The following CRHBP variants were observed in gnomAD, a reference collection of about 807,000 sequenced individuals.
The protein encoded by CRHBP is corticotropin-releasing hormone-binding protein.
A neutral mutation model predicts 34.9 loss-of-function variants in CRHBP; 19 were observed. That is an observed-to-expected ratio of 0.55 (90% CI 0.38 to 0.80). CRHBP has a LOEUF of 0.80. Ranked by LOEUF, CRHBP falls within the 30% of genes least tolerant of loss-of-function variation. The pLI is 0.00. For synonymous variants in CRHBP, 154 were observed against 153.4 expected, an observed-to-expected ratio of 1.00 and a Z score of -0.03; for missense variants, 328 against 409.2, an observed-to-expected ratio of 0.80 and a Z score of 1.71.
chr5:76,959,052 C>T (rs1745734803), intron 5 of CRHBP, 163 bp downstream of exon 5: 2 of 625,600 alleles, frequency 3.2e-6, no homozygotes, highest in South Asian at 6.4e-5. Context: ...TTTGACTAAC[C>T]CCCTCTTCTA....
chr5:76,977,737 A>C (rs138772373), intron 3 of CRHBP, among the ~76,000 whole-genome samples: 5 of 152,336 alleles, frequency 3.3e-5, no homozygotes, highest in African/African-American at 1.2e-4. Context: ...AGTGAAAGGA[A>C]GAGTCCCAGG....
In CRHBP at chr5:76,954,100, G is replaced by A; in HGVS notation, c.247G>A (p.Ala83Thr). ...TADRPQLHCA[A>T]FFISEPEEFI... ...CGACCGGCCGCAGCTGCACTGCGCA[G>A]CCTTCTTCATCAGCGAGCCCGAGGA... The change falls in exon 3 of 7, where the codon GCC (alanine) becomes ACC (threonine). Residue 83 changes from alanine to threonine, a missense_variant. Ala to Thr is a moderately conservative substitution (Grantham distance 58, BLOSUM62 0). This residue lies in a region of CRHBP where 173 missense variants were observed against 172.2 expected (regional missense o/e 1.00). Transcript: ENST00000274368. 1.2e-6 allele frequency: 2 copies of A among 1,614,032 alleles called. No homozygotes were observed. The highest frequency in any genetic ancestry group is 2.7e-5 in the African/African-American group (2 of 75,066).
chr5:76,962,986 A>G (rs1295101487), intron 5 of CRHBP, among the ~76,000 whole-genome samples: 1 of 152,204 alleles, frequency 6.6e-6, no homozygotes, highest in Non-Finnish European at 1.5e-5. Flanking sequence ...GTGATTCAGT[A>G]TGTATGTCCA....
chr5:76,953,103 C>T lies in CRHBP; in HGVS notation c.-32C>T. 1 of 1,611,132 alleles carries T rather than the reference C, an allele frequency of 6.2e-7. No homozygotes were observed. The highest frequency in any genetic ancestry group is 8.5e-7 in the Non-Finnish European group (1 of 1,177,244). ...GAAGGAAAGCCCAGGACCTCCGGAGCAGAGCACAGCAGCTGCAGAGGCAAG... is the reference window on the plus strand; with the variant it reads ...GAAGGAAAGCCCAGGACCTCCGGAGTAGAGCACAGCAGCTGCAGAGGCAAG... On this transcript the variant is annotated 5_prime_UTR_variant, in exon 1 of 7. Coordinates refer to ENST00000274368, the MANE Select transcript of CRHBP (RefSeq NM_001882.4).
At chr5:76,975,550 C>A (rs181330499) in intron 2 of CRHBP, among the ~76,000 whole-genome samples, 1 of 151,828 alleles carries the variant, frequency 6.6e-6, no homozygotes, top group Non-Finnish European at 1.5e-5. Context: ...TACCTGTAAT[C>A]CCAACACTTT....
rs1225848382 is a variant in CRHBP, at chr5:76,963,334, T to C, written c.694-9T>C. Reference sequence around the variant, plus strand: ...AAATGTGTCTTTCTCTGCTGCTTTATTCCCTTAGAAATCCTCAGCAGGTTG... The same window carrying C: ...AAATGTGTCTTTCTCTGCTGCTTTACTCCCTTAGAAATCCTCAGCAGGTTG... On this transcript the variant is annotated splice_polypyrimidine_tract_variant and intron_variant, in intron 5 of 6. Coordinates refer to ENST00000274368, the MANE Select transcript of CRHBP (RefSeq NM_001882.4). 3.1e-6 allele frequency: 5 copies of C among 1,611,936 alleles called. No individual in the cohort carries two copies. Among genetic ancestry groups the C allele is most frequent in the Non-Finnish European group, 4.2e-6 (5 of 1,178,196 alleles).
At position 76,955,862 on chromosome 5, in the gene CRHBP, T is replaced by C. The variant is rs772172307; in HGVS notation, c.543T>C (p.Phe181=). ...TLTIKTDPNL[F]PCNVISQTPN... ...CCATAAAGACAGACCCCAACCTCTT[T>C]CGTAAGTGTTCTCAGTCAAAAGGCA... Residue 181 remains phenylalanine, a splice_region_variant and synonymous_variant, in exon 4 of 7, where the codon TTT becomes TTC. Transcript: ENST00000274368. 6 of 1,613,316 alleles carry C rather than the reference T, an allele frequency of 3.7e-6. No individual in the cohort carries two copies. Among genetic ancestry groups the C allele is most frequent in the Middle Eastern group, 1.7e-4 (1 of 5,992 alleles).
chr5:76,980,925 G>C (rs1395365831), intron 3 of CRHBP: 1 of 152,174 alleles, frequency 6.6e-6, no homozygotes, highest in Non-Finnish European at 1.5e-5. Flanking sequence ...TGAATGGTCT[G>C]AGGTCATCAT....
chr5:76,953,868 T>A (rs1286269424), intron 2 of CRHBP, among the ~76,000 whole-genome samples, 161 bp from the exon 3 acceptor site: 1 of 151,574 alleles, frequency 6.6e-6, no homozygotes, highest in Non-Finnish European at 1.5e-5. Context: ...CGGGAGAGGG[T>A]GGCGCGCCCG....
rs778367155 is a variant in CRHBP, at chr5:76,953,608, A to C, written c.89A>C (p.Glu30Ala). The change falls in exon 2 of 7, where the codon GAA becomes GCA. Residue 30 changes from glutamate (E) to alanine (A), a missense_variant. Physicochemically the swap from Glu to Ala is moderately radical, Grantham distance 107. Transcript: ENST00000274368. ...ACCTATGTTTCTTGCCAGCTGAGGG[A>C]AGCGGCGGACTACGATCCTTTCCTG... is the stretch of plus-strand genomic sequence containing the variant. ...RGESRYLELR[E>A]AADYDPFLLF... 1 of 1,612,918 alleles carries C rather than the reference A, an allele frequency of 6.2e-7. No individual in the cohort carries two copies. The highest frequency in any genetic ancestry group is 1.1e-5 in the South Asian group (1 of 90,596).
intron 5 of CRHBP, among the ~76,000 whole-genome samples, chr5:76,960,816 G>C (rs1218703896): frequency 6.6e-6 from 1 of 151,722 alleles, no homozygotes; most frequent in Non-Finnish European, 1.5e-5. Context: ...CCAGGCTGGA[G>C]TGCAGACATG....
intron 4 of CRHBP, 50 bp from the exon 5 acceptor site, chr5:76,958,691 C>G: frequency 6.4e-7 from 1 of 1,570,914 alleles, no homozygotes; most frequent in Non-Finnish European, 8.6e-7. Context: ...CTATAAAAAC[C>G]TAGCAAACCA....
At chr5:76,975,825 AATATATAT>A (rs1217039736) in intron 2 of CRHBP, among the ~76,000 whole-genome samples, 12 of 61,848 alleles carry the variant, frequency 1.9e-4, no homozygotes, top group African/African-American at 8.2e-4. Context: ...AAAAAAAAAA[AATATATAT>A]ATATATATAT....
At position 76,963,328 on chromosome 5, in the gene CRHBP, G is replaced by C; in HGVS notation, c.694-15G>C. The C allele has an allele frequency of 6.2e-7, 1 of 1,608,750 alleles. No individual in the cohort carries two copies. Reference sequence around the variant, plus strand: ...TGGTTTAAATGTGTCTTTCTCTGCTGCTTTATTCCCTTAGAAATCCTCAGC... The same window carrying C: ...TGGTTTAAATGTGTCTTTCTCTGCTCCTTTATTCCCTTAGAAATCCTCAGC... On this transcript the variant is annotated splice_polypyrimidine_tract_variant and intron_variant, in intron 5 of 6. Coordinates refer to ENST00000274368, the MANE Select transcript of CRHBP (RefSeq NM_001882.4).
intron 4 of CRHBP, among the ~76,000 whole-genome samples, chr5:76,957,717 C>CA (rs1283706816): frequency 4.6e-5 from 7 of 151,894 alleles, no homozygotes; most frequent in Non-Finnish European, 8.8e-5. Context: ...AGATATAAAA[C>CA]AAAAAATTGT....
chr5:76,954,812 A>G (rs1042834005), intron 3 of CRHBP, among the ~76,000 whole-genome samples: 1 of 152,020 alleles, frequency 6.6e-6, no homozygotes, highest in African/African-American at 2.4e-5. Context: ...CAGTCGTCAG[A>G]CTCCATAAGT....
downstream of CRHBP, among the ~76,000 whole-genome samples, chr5:76,972,414 C>A (rs1294919411): frequency 6.6e-6 from 1 of 152,048 alleles, no homozygotes; most frequent in East Asian, 1.9e-4. Context: ...ACAGGAGAAT[C>A]GCCTGAACCC....
At chr5:76,958,963 A>G in intron 5 of CRHBP, 74 bp downstream of exon 5, 1 of 1,503,666 alleles carries the variant, frequency 6.7e-7, no homozygotes, top group Non-Finnish European at 9.0e-7. Flanking sequence ...TCATATAGGG[A>G]AAACCTGGAC....
chr5:76,967,588 GAATA>G (rs1198606951), intron 6 of CRHBP, among the ~76,000 whole-genome samples: 1 of 151,860 alleles, frequency 6.6e-6, no homozygotes, highest in African/African-American at 2.4e-5. Context: ...TAAACAAATA[GAATA>G]AATAAAAGGA....
Sources: allele counts gnomAD v4.1 joint callset (sites outside exome capture counted in the v4.1 genomes callset), GRCh38; gene constraint gnomAD v4.1.1; regional missense constraint gnomAD v4.1.1; transcripts MANE v1.5; gene names NCBI Gene and HGNC (gene_info 2026-07-23, HGNC 2026-07-21).